The following AIG1 variants were observed in gnomAD, a reference collection of about 807,000 sequenced individuals.
AIG1 encodes the protein androgen-induced gene 1 protein.
AIG1 carries 23 observed loss-of-function variants against 31.4 expected under a neutral mutation model. That is an observed-to-expected ratio of 0.73 (90% confidence interval 0.53 to 1.04). The LOEUF (loss-of-function observed/expected upper bound fraction) is 1.04, where lower values mean the gene tolerates loss of function less well. Among genes scored for constraint, AIG1 ranks in the 50% least tolerant of loss-of-function variants. The pLI, the probability that AIG1 is intolerant of heterozygous loss-of-function variation, is 0.00. For missense variants in AIG1, 274 were observed against 295.0 expected (o/e 0.93, Z 0.52); for synonymous variants, 100 against 110.5 (o/e 0.90, Z 0.60).
intron 3 of AIG1, among the ~76,000 whole-genome samples, chr6:143,199,490 T>TA (rs1790520681): frequency 6.6e-6 from 1 of 152,172 alleles, no homozygotes; most frequent in African/African-American, 2.4e-5. Flanking sequence ...TATTCCATAA[T>TA]AAAAAGTTAA....
intron 3 of AIG1, among the ~76,000 whole-genome samples, chr6:143,167,347 TGTGA>T (rs1787065469): frequency 1.3e-5 from 2 of 152,310 alleles, no homozygotes; most frequent in South Asian, 4.2e-4. Flanking sequence ...GTGTCCAAAT[TGTGA>T]GTATTAAAGG....
At chr6:143,341,750 A>C (rs76184032), downstream of AIG1, among the ~76,000 whole-genome samples, 1 of 152,170 alleles carries the variant, frequency 6.6e-6, no homozygotes, top group Admixed American at 6.5e-5. Flanking sequence ...ACATTTTGCT[A>C]TGTCAGTAAC....
intron 1 of AIG1, among the ~76,000 whole-genome samples, chr6:143,099,285 T>G (rs1780046380): frequency 6.6e-6 from 1 of 152,176 alleles, no homozygotes; most frequent in Admixed American, 6.5e-5. Flanking sequence ...TCAAAGAGCT[T>G]TCAAATGAGT....
intron 2 of AIG1, 140 bp from the exon 3 acceptor site, chr6:143,164,942 C>T (rs1786782283): frequency 1.6e-6 from 1 of 621,190 alleles, no homozygotes; most frequent in South Asian, 2.0e-5. Flanking sequence ...CCTGTGTTTC[C>T]AATCATTAGC....
At chr6:143,066,716 A>T (rs1024744937) in intron 1 of AIG1, among the ~76,000 whole-genome samples, 2 of 152,146 alleles carry the variant, frequency 1.3e-5, no homozygotes, top group African/African-American at 2.4e-5. Context: ...TTGAGAAACA[A>T]ATTTAAATAA....
At chr6:143,193,778 C>T (rs932011358) in intron 3 of AIG1, among the ~76,000 whole-genome samples, 20 of 152,166 alleles carry the variant, frequency 1.3e-4, no homozygotes, top group Non-Finnish European at 1.5e-5. Flanking sequence ...TCACATTCCT[C>T]CCTCTTGCTG....
chr6:143,181,247 A>C (rs1030612947), intron 3 of AIG1, among the ~76,000 whole-genome samples: 3 of 152,230 alleles, frequency 2.0e-5, no homozygotes, highest in Non-Finnish European at 4.4e-5. Context: ...AATGAAAGTA[A>C]GAAACTGGAA....
chr6:143,062,702 T>C (rs1776363319), intron 1 of AIG1, among the ~76,000 whole-genome samples: 1 of 152,184 alleles, frequency 6.6e-6, no homozygotes, highest in Non-Finnish European at 1.5e-5. Flanking sequence ...ATACCACCCA[T>C]AGAGCGCCAG....
At chr6:143,274,673 G>GATGAATGA (rs71024847) in intron 3 of AIG1, among the ~76,000 whole-genome samples, 3,036 of 151,784 alleles carry the variant, frequency 0.02, 51 homozygotes, top group Admixed American at 0.052. Flanking sequence ...GTATTTATTG[G>GATGAATGA]ATGAATGAAT....
At chr6:143,114,070 G>A (rs910532883) in intron 1 of AIG1, among the ~76,000 whole-genome samples, 3 of 152,116 alleles carry the variant, frequency 2.0e-5, no homozygotes, top group South Asian at 2.1e-4. Flanking sequence ...CACCGCGCCT[G>A]GCCGGAAATG....
At chr6:143,075,046 A>G (rs1241247461) in intron 1 of AIG1, among the ~76,000 whole-genome samples, 1 of 152,206 alleles carries the variant, frequency 6.6e-6, no homozygotes, top group Non-Finnish European at 1.5e-5. Flanking sequence ...TCAATTTTTA[A>G]AACAGATTTG....
At chr6:143,193,212 G>T (rs1241415381) in intron 3 of AIG1, among the ~76,000 whole-genome samples, 1 of 152,140 alleles carries the variant, frequency 6.6e-6, no homozygotes, top group African/African-American at 2.4e-5. Flanking sequence ...AAGCCATATT[G>T]CCTCACCTGA....
At chr6:143,138,768 C>A (rs1469496690) in intron 2 of AIG1, among the ~76,000 whole-genome samples, 1 of 151,790 alleles carries the variant, frequency 6.6e-6, no homozygotes, top group East Asian at 1.9e-4. Context: ...TGGTGGGCTC[C>A]TTTAGTCCCA....
rs1444387805 is a variant in AIG1, at chr6:143,339,548, G to A, written c.680-91G>A. Reference sequence around the variant, plus strand: ...ATGGGAGAAGTGAGGGCAGATGAGTGGATGTGTGAGTAGTGTTAGCAAGCC... The same window carrying A: ...ATGGGAGAAGTGAGGGCAGATGAGTAGATGTGTGAGTAGTGTTAGCAAGCC... On this transcript the variant is annotated intron_variant, in intron 5 of 5. Coordinates refer to ENST00000357847, the MANE Select transcript of AIG1 (RefSeq NM_016108.4). 14 of 1,311,416 alleles carry A rather than the reference G, an allele frequency of 1.1e-5. No homozygotes were observed. The Admixed American group carries it at 2.5e-4, about 24-fold the overall frequency. 81.2% of individuals were successfully genotyped at this position (1,311,416 alleles called of 1,614,324 possible).
At chr6:143,220,737 G>C (rs555077314) in intron 3 of AIG1, among the ~76,000 whole-genome samples, 3 of 152,158 alleles carry the variant, frequency 2.0e-5, no homozygotes, top group Non-Finnish European at 4.4e-5. Flanking sequence ...CTTACACTTC[G>C]AGTGTTTATT....
intron 1 of AIG1, among the ~76,000 whole-genome samples, chr6:143,067,149 G>A (rs764927019): frequency 4.1e-4 from 63 of 152,152 alleles, no homozygotes; most frequent in Non-Finnish European, 7.6e-4. Flanking sequence ...CTGAGTGACA[G>A]AGCCAAATCC....
chr6:143,305,313 T>C (rs1259874673), intron 4 of AIG1, among the ~76,000 whole-genome samples: 2 of 152,200 alleles, frequency 1.3e-5, no homozygotes, highest in Non-Finnish European at 2.9e-5. Flanking sequence ...TTAATTGTGA[T>C]GTTAGGGTGT....
Position 143,256,585 on chromosome 6 carries a change from C to T in AIG1, c.400-27525C>T, listed in dbSNP as rs78466868. ...TCCAAACAAAATCTTCCATGGACAT[C>T]GAGCAGATAAAAATGGAACCGTTAC... On this transcript the variant is annotated intron_variant, in intron 3 of 5. Coordinates refer to ENST00000357847, the MANE Select transcript of AIG1 (RefSeq NM_016108.4). This position sits in a 1 kb window ranked among gnomAD's most constrained non-coding sequence, Gnocchi z 4.6. Among the ~76,000 whole-genome samples, 865 of 152,254 alleles carry T rather than the reference C, an allele frequency of 5.7e-3. 10 individuals are homozygous for T. Among genetic ancestry groups the T allele is most frequent in the African/African-American group, 0.02 (817 of 41,536 alleles).
chr6:143,266,922 G>T (rs1479980533), intron 3 of AIG1, among the ~76,000 whole-genome samples: 1 of 151,998 alleles, frequency 6.6e-6, no homozygotes, highest in Non-Finnish European at 1.5e-5. Flanking sequence ...GCCTGGGTAA[G>T]AATTCATTAA....
Sources: allele counts gnomAD v4.1 joint callset (sites outside exome capture counted in the v4.1 genomes callset), GRCh38; gene constraint gnomAD v4.1.1; non-coding constraint Gnocchi (gnomAD v3.1); transcripts MANE v1.5; gene names NCBI Gene and HGNC (gene_info 2026-07-23, HGNC 2026-07-21).